The following ARHGAP35 variants were observed in gnomAD, a reference collection of about 807,000 sequenced individuals.
ARHGAP35 encodes rho GTPase-activating protein 35.
In ARHGAP35, 15 loss-of-function variants were observed where a neutral mutation model predicts 111.1. That is an observed-to-expected ratio of 0.13 (90% CI 0.09 to 0.21). The LOEUF (loss-of-function observed/expected upper bound fraction) is 0.21, where lower values mean the gene tolerates loss of function less well. ARHGAP35 is among the 10% of genes least tolerant of loss of function. The pLI is 1.00. For missense variants in ARHGAP35, 1,262 were observed against 1,873.0 expected (o/e 0.67, Z 6.02); for synonymous variants, 643 against 710.3 (o/e 0.91, Z 1.51).
intron 1 of ARHGAP35, among the ~76,000 whole-genome samples, chr19:46,867,068 T>C (rs187594006): frequency 6.6e-5 from 10 of 152,360 alleles, no homozygotes; most frequent in African/African-American, 9.6e-5. Context: ...AGATAACTTT[T>C]GGCATCTGTC....
At position 46,999,252 on chromosome 19, in the gene ARHGAP35, G is replaced by A. The variant is rs1030761770; in HGVS notation, c.4037-52G>A. ...CCCATCACAGAGCACGCCCTGGGGT[G>A]GCCACCAGCCTCGGCCATGAAAGGC... On this transcript the variant is annotated intron_variant, in intron 5 of 6. Coordinates refer to ENST00000672722, the MANE Select transcript of ARHGAP35 (RefSeq NM_004491.5). The surrounding 1 kb of genome is among the most constrained non-coding windows in gnomAD (Gnocchi z 5.4). 6.1e-6 allele frequency: 8 copies of A among 1,320,440 alleles called. 1 individual carries two copies. In the African/African-American group the frequency reaches 1.0e-4, roughly 17 times the overall value. The allele number at this position is 1,320,440 out of a possible 1,614,324, so 81.8% of individuals were successfully genotyped here. A position where few individuals can be genotyped will look rare whatever the true frequency, so the allele number is the denominator to read the frequency against.
At chr19:46,915,797 G>A (rs1166726086) in intron 1 of ARHGAP35, among the ~76,000 whole-genome samples, 1 of 152,134 alleles carries the variant, frequency 6.6e-6, no homozygotes, top group African/African-American at 2.4e-5. Flanking sequence ...TGTCGTAGCT[G>A]GAAAGTTGCT....
Position 46,919,449 on chromosome 19 carries a change from T to C in ARHGAP35, c.774T>C (p.Pro258=), listed in dbSNP as rs1382515802. 2 of 1,614,018 alleles carry C rather than the reference T, an allele frequency of 1.2e-6. No individual in the cohort carries two copies. The highest frequency in any genetic ancestry group is 1.7e-6 in the Non-Finnish European group (2 of 1,179,904). The part of the protein sequence containing the change: ...DKSRGKTKII[P]YFEALKQQSQ... ...GTCGGGGAAAGACAAAAATCATTCC[T>C]TATTTTGAAGCTCTCAAGCAGCAGA... is the stretch of plus-strand genomic sequence containing the variant. Residue 258 remains proline (P), a synonymous_variant, in exon 2 of 7, where the codon CCT becomes CCC. Coordinates refer to ENST00000672722, the MANE Select transcript of ARHGAP35 (RefSeq NM_004491.5). The surrounding 1 kb of genome is among the most constrained non-coding windows in gnomAD (Gnocchi z 6.2).
chr19:46,895,870 A>G (rs1450815570), intron 1 of ARHGAP35, among the ~76,000 whole-genome samples: 1 of 152,160 alleles, frequency 6.6e-6, no homozygotes, highest in African/African-American at 2.4e-5. Flanking sequence ...TGGGAGGCTG[A>G]GGCAGGCGGA....
At chr19:46,916,973 CT>C (rs1218917076) in intron 1 of ARHGAP35, among the ~76,000 whole-genome samples, 5 of 149,716 alleles carry the variant, frequency 3.3e-5, no homozygotes, top group African/African-American at 9.8e-5. Context: ...TTTTTTCAAT[CT>C]TTTTTTTACT....
At chr19:46,864,973 A>T (rs933966172) in intron 1 of ARHGAP35, among the ~76,000 whole-genome samples, 4 of 152,264 alleles carry the variant, frequency 2.6e-5, no homozygotes, top group African/African-American at 9.6e-5. Flanking sequence ...AAGTTCCTGC[A>T]TGCCAAAAGC....
intron 3 of ARHGAP35, among the ~76,000 whole-genome samples, chr19:46,952,637 T>G (rs2056418899): frequency 6.6e-6 from 1 of 152,224 alleles, no homozygotes. Context: ...AATGCCCACC[T>G]TATTAGGACT....
At chr19:46,987,899 T>C (rs1232482009) in intron 3 of ARHGAP35, 90 bp from the exon 4 acceptor site, 13 of 1,317,964 alleles carry the variant, frequency 9.9e-6, no homozygotes, top group Non-Finnish European at 1.4e-5. Flanking sequence ...TCATGGACTT[T>C]CCCTGGCTTT....
At position 46,919,445 on chromosome 19, in the gene ARHGAP35, T is replaced by G. The variant is rs759600849; in HGVS notation, c.770T>G (p.Ile257Ser). ...AAAAGTCGGGGAAAGACAAAAATCA[T>G]TCCTTATTTTGAAGCTCTCAAGCAG... ...IDKSRGKTKI[I>S]PYFEALKQQS... The change falls in exon 2 of 7, where the codon ATT (isoleucine) becomes AGT (serine). Residue 257 changes from isoleucine to serine, a missense_variant. Ile to Ser is a moderately radical substitution (Grantham distance 142, BLOSUM62 -2). Around this residue, in one of 8 missense-constraint regions of ARHGAP35, gnomAD observed 328 missense variants for 440.8 expected, o/e 0.74. Coordinates refer to ENST00000672722, the MANE Select transcript of ARHGAP35 (RefSeq NM_004491.5). This position sits in a 1 kb window ranked among gnomAD's most constrained non-coding sequence, Gnocchi z 6.2. 2 of 1,613,920 alleles carry G rather than the reference T, an allele frequency of 1.2e-6. No homozygotes were observed. Among genetic ancestry groups the G allele is most frequent in the Admixed American group, 3.3e-5 (2 of 60,020 alleles).
intron 3 of ARHGAP35, among the ~76,000 whole-genome samples, chr19:46,950,451 G>A (rs933359850): frequency 3.3e-5 from 5 of 152,184 alleles, no homozygotes; most frequent in African/African-American, 1.2e-4. Context: ...TAGAAGGGAG[G>A]CAGTTTTGAA....
rs146377525 is a variant in ARHGAP35, at chr19:46,937,362, G to A, written c.3780G>A (p.Pro1260=). ...PLTTVVTPEK[P]IPIFIERCIE... is the part of the protein sequence containing the mutation. ...CAACTGTCGTGACTCCAGAGAAGCC[G>A]ATCCCCATTTTTATTGAAAGATGTA... Residue 1260 remains proline, a synonymous_variant, in exon 3 of 7, where the codon CCG becomes CCA. Transcript: ENST00000672722. 115 of 1,613,874 alleles carry A rather than the reference G, an allele frequency of 7.1e-5. No homozygotes were observed. The East Asian group carries it at 8.7e-4, about 12-fold the overall frequency.
intron 1 of ARHGAP35, among the ~76,000 whole-genome samples, chr19:46,892,760 A>G (rs1418238179): frequency 1.3e-5 from 2 of 151,192 alleles, no homozygotes; most frequent in East Asian, 3.9e-4. Flanking sequence ...GCTTGTCCTC[A>G]TAGTTCTTTC....
intron 5 of ARHGAP35, among the ~76,000 whole-genome samples, chr19:46,991,073 G>A (rs557114793): frequency 2.0e-5 from 3 of 152,276 alleles, no homozygotes; most frequent in South Asian, 4.1e-4. Context: ...TTCTCCAGGG[G>A]AGTTAGTGGG....
intron 3 of ARHGAP35, among the ~76,000 whole-genome samples, chr19:46,979,866 C>T (rs1026557573): frequency 6.6e-6 from 1 of 152,000 alleles, no homozygotes; most frequent in Admixed American, 6.6e-5. Context: ...AGACAGCTAA[C>T]GAAGGGGCAG....
At chr19:46,873,442 G>T (rs1294445708) in intron 1 of ARHGAP35, among the ~76,000 whole-genome samples, 2 of 151,870 alleles carry the variant, frequency 1.3e-5, no homozygotes, top group Admixed American at 6.6e-5. Flanking sequence ...AACTACCCTA[G>T]CCAACATTGG....
intron 3 of ARHGAP35, among the ~76,000 whole-genome samples, chr19:46,969,771 T>A (rs1568483011): frequency 6.6e-6 from 1 of 152,194 alleles, no homozygotes; most frequent in Non-Finnish European, 1.5e-5. Context: ...ATGCCATTGT[T>A]GGATCTGTCT....
intron 1 of ARHGAP35, among the ~76,000 whole-genome samples, chr19:46,902,306 A>G (rs919120815): frequency 6.6e-6 from 1 of 152,214 alleles, no homozygotes; most frequent in African/African-American, 2.4e-5. Flanking sequence ...TTCTTATGGA[A>G]TGATACAGGT....
intron 1 of ARHGAP35, among the ~76,000 whole-genome samples, chr19:46,874,151 A>G (rs2055903152): frequency 6.6e-6 from 1 of 152,328 alleles, no homozygotes; most frequent in African/African-American, 2.4e-5. Context: ...AGAAGAGGGA[A>G]CAAACTAGTT....
rs761970865 is a variant in ARHGAP35, at chr19:46,919,707, G to C, written c.1032G>C (p.Leu344=). The part of the protein sequence containing the change: ...ERRRKLYLAA[L]PLAFEALIPN... Reference sequence around the variant, plus strand: ...GGAGAAAGCTGTACCTGGCAGCCCTGCCATTAGCTTTTGAAGCTCTTATAC... The same window carrying C: ...GGAGAAAGCTGTACCTGGCAGCCCTCCCATTAGCTTTTGAAGCTCTTATAC... The change falls in exon 2 of 7, where the codon CTG becomes CTC. Residue 344 remains leucine (L), a synonymous_variant. Coordinates refer to ENST00000672722, the MANE Select transcript of ARHGAP35 (RefSeq NM_004491.5). This position sits in a 1 kb window ranked among gnomAD's most constrained non-coding sequence, Gnocchi z 6.2. 3.1e-6 allele frequency: 5 copies of C among 1,613,968 alleles called. No homozygotes were observed. The highest frequency in any genetic ancestry group is 4.2e-6 in the Non-Finnish European group (5 of 1,179,900).
Sources: allele counts gnomAD v4.1 joint callset (sites outside exome capture counted in the v4.1 genomes callset), GRCh38; gene constraint gnomAD v4.1.1; regional missense constraint gnomAD v4.1.1; non-coding constraint Gnocchi (gnomAD v3.1); transcripts MANE v1.5; gene names NCBI Gene and HGNC (gene_info 2026-07-23, HGNC 2026-07-21).